KDM4A: variants seen among roughly 807,000 people sequenced by gnomAD.
KDM4A encodes lysine demethylase 4A.
A neutral mutation model predicts 127.1 loss-of-function variants in KDM4A; 23 were observed. The ratio of observed to expected loss-of-function variants is 0.18; its 90% CI spans 0.13 to 0.26. The LOEUF is 0.26. KDM4A is among the 10% of genes least tolerant of loss of function. The probability of loss-of-function intolerance (pLI) is 1.00; values close to 1 mark genes in which losing one functional copy is unlikely to be tolerated. For synonymous variants in KDM4A, 443 were observed against 466.5 expected (o/e 0.95, Z 0.65); for missense variants, 890 against 1,329.1 (o/e 0.67, Z 5.14).
chr1:43,653,299 G>T lies in KDM4A; in HGVS notation c.124G>T (p.Ala42Ser), dbSNP rs781632610. 1.2e-6 allele frequency: 2 copies of T among 1,612,056 alleles called. No homozygotes were observed. Among genetic ancestry groups the T allele is most frequent in the Non-Finnish European group, 1.7e-6 (2 of 1,178,908 alleles). ...CATTGAATCCCAAGGAGCTCATCGGGCAGGGCTAGCCAAGGTAAGGAGCTG... is the reference window on the plus strand; with the variant it reads ...CATTGAATCCCAAGGAGCTCATCGGTCAGGGCTAGCCAAGGTAAGGAGCTG... Reference protein sequence around the residue: ...AYIESQGAHRAGLAKVVPPKE... With the variant: ...AYIESQGAHRSGLAKVVPPKE... Residue 42 changes from alanine to serine, a missense_variant, in exon 2 of 22, where the codon GCA (alanine) becomes TCA (serine). Coordinates refer to ENST00000372396, the MANE Select transcript of KDM4A (RefSeq NM_014663.3).
At position 43,703,718 on chromosome 1, in the gene KDM4A, C is replaced by A; in HGVS notation, c.2943C>A (p.His981Gln). 1 of 1,614,136 alleles carries A rather than the reference C, an allele frequency of 6.2e-7. No homozygotes were observed. Among genetic ancestry groups the A allele is most frequent in the Non-Finnish European group, 8.5e-7 (1 of 1,180,002 alleles). The stretch of plus-strand genomic sequence containing the variant: ...ATGGAGCCAAGTTTGTGGCCTCCCA[C>A]CCTATCCAAATGTACCAGGTATCCA... ...QVYGAKFVAS[H>Q]PIQMYQVEFE... Residue 981 changes from histidine to glutamine, a missense_variant, in exon 20 of 22, where the codon CAC becomes CAA. His to Gln is a conservative substitution (Grantham distance 24, BLOSUM62 0). Transcript: ENST00000372396.
intron 18 of KDM4A, among the ~76,000 whole-genome samples, chr1:43,696,159 A>G (rs1418081461): frequency 6.6e-6 from 1 of 152,148 alleles, no homozygotes; most frequent in East Asian, 1.9e-4. Flanking sequence ...GAACCAGTGA[A>G]AGCAGTTGAG....
intron 4 of KDM4A, 78 bp downstream of exon 4, chr1:43,660,490 G>A (rs186656066): frequency 2.0e-6 from 3 of 1,515,034 alleles, no homozygotes; most frequent in South Asian, 1.2e-5. Flanking sequence ...CACGTAGTAG[G>A]CACCTAAAAG....
In KDM4A at chr1:43,704,243, A is replaced by T. The variant is rs778288602; in HGVS notation, c.3068A>T (p.Asp1023Val). 1 of 1,614,192 alleles carries T rather than the reference A, an allele frequency of 6.2e-7. No individual in the cohort carries two copies. Among genetic ancestry groups the T allele is most frequent in the African/African-American group, 1.3e-5 (1 of 75,048 alleles). ...RVKSRLSVAS[D>V]MRFNEIFTEK... ...ATTCTTCTATAGTCAGTAGCCTCAG[A>T]CATGCGCTTCAATGAGATTTTCACA... The change falls in exon 22 of 22, where the codon GAC becomes GTC. Residue 1023 changes from aspartate (D) to valine (V), a missense_variant. Coordinates refer to ENST00000372396, the MANE Select transcript of KDM4A (RefSeq NM_014663.3).
chr1:43,667,967 G>C lies in KDM4A; in HGVS notation c.1111G>C (p.Glu371Gln). 1 of 1,614,206 alleles carries C rather than the reference G, an allele frequency of 6.2e-7. No homozygotes were observed. The highest frequency in any genetic ancestry group is 8.5e-7 in the Non-Finnish European group (1 of 1,180,028). ...AGCTGGCAACGAGGAGGAGTGCCCA[G>C]AGGAGGACATGGAAGGGGTGGAGGA... ...PRAGNEEECPEEDMEGVEDGE... is the reference protein window; with the variant it reads ...PRAGNEEECPQEDMEGVEDGE... The change falls in exon 9 of 22, where the codon GAG becomes CAG. Residue 371 changes from glutamate (E) to glutamine (Q), a missense_variant. By Grantham distance (29) the Glu-to-Gln change is conservative (BLOSUM62 2). Transcript: ENST00000372396.
chr1:43,677,588 C>G (rs1660770661), intron 11 of KDM4A, among the ~76,000 whole-genome samples: 1 of 152,136 alleles, frequency 6.6e-6, no homozygotes, highest in Admixed American at 6.5e-5. Context: ...GCGCCTCTCC[C>G]CCTTTTTTCC....
chr1:43,679,253 A>G lies in KDM4A; in HGVS notation c.1735-4431A>G, dbSNP rs573860807. ...AGAAGCTGGGCCCTGTGCCACATTC[A>G]TCCTCATTTCTTGAGTTACCAGCAC... On this transcript the variant is annotated intron_variant, in intron 11 of 21. Coordinates refer to ENST00000372396, the MANE Select transcript of KDM4A (RefSeq NM_014663.3). Among the ~76,000 whole-genome samples the G allele has an allele frequency of 8.5e-5, 13 of 152,308 alleles. 1 individual carries two copies. In the South Asian group the frequency reaches 1.2e-3, roughly 15 times the overall value.
At chr1:43,696,657 A>C (rs1440257984) in intron 18 of KDM4A, among the ~76,000 whole-genome samples, 1 of 152,212 alleles carries the variant, frequency 6.6e-6, no homozygotes, top group Admixed American at 6.5e-5. Context: ...CCCTTAATGC[A>C]AGTAAAAACT....
At chr1:43,673,173 C>G (rs978420575) in intron 11 of KDM4A, among the ~76,000 whole-genome samples, 1 of 152,094 alleles carries the variant, frequency 6.6e-6, no homozygotes, top group Non-Finnish European at 1.5e-5. Flanking sequence ...CCCCCACTAC[C>G]CAAGTGACTT....
chr1:43,691,858 G>A (rs916779774), intron 15 of KDM4A, among the ~76,000 whole-genome samples: 2 of 152,126 alleles, frequency 1.3e-5, no homozygotes, highest in Admixed American at 6.6e-5. Flanking sequence ...TTTTGAATTG[G>A]AGCCTCAGAA....
chr1:43,677,884 C>T (rs1298774672), intron 11 of KDM4A, among the ~76,000 whole-genome samples: 2 of 152,128 alleles, frequency 1.3e-5, no homozygotes, highest in Non-Finnish European at 2.9e-5. Flanking sequence ...AGATTTGAAA[C>T]AGGGAAACCA....
chr1:43,674,630 C>T (rs1660700920), intron 11 of KDM4A, among the ~76,000 whole-genome samples: 1 of 151,768 alleles, frequency 6.6e-6, no homozygotes, highest in African/African-American at 2.4e-5. Context: ...GATTCTCGTG[C>T]CCCAGCCTCC....
At chr1:43,668,933 G>A (rs1379339421) in intron 9 of KDM4A, among the ~76,000 whole-genome samples, 167 bp from the exon 10 acceptor site, 3 of 152,232 alleles carry the variant, frequency 2.0e-5, no homozygotes, top group Non-Finnish European at 4.4e-5. Flanking sequence ...AGGTCAGAGA[G>A]GTGAAGTCCC....
At chr1:43,682,005 G>T (rs1166349072) in intron 11 of KDM4A, among the ~76,000 whole-genome samples, 2 of 152,146 alleles carry the variant, frequency 1.3e-5, no homozygotes, top group African/African-American at 2.4e-5. Context: ...TCTCACTTCT[G>T]TCACCCAGGC....
At chr1:43,666,287 A>G in intron 6 of KDM4A, 165 bp from the exon 7 acceptor site, 3 of 613,346 alleles carry the variant, frequency 4.9e-6, no homozygotes, top group Non-Finnish European at 8.5e-6. Context: ...CTAGAGGCTC[A>G]TTGCAGAATC....
Position 43,699,283 on chromosome 1 carries a change from A to C in KDM4A, c.2841+1270A>C, listed in dbSNP as rs535775248. 2.0e-5 allele frequency among the ~76,000 whole-genome samples: 3 copies of C among 152,046 alleles called. No individual in the cohort carries two copies. In the East Asian group the frequency reaches 5.8e-4, roughly 29 times the overall value. On this transcript the variant is annotated intron_variant, in intron 19 of 21. Coordinates refer to ENST00000372396, the MANE Select transcript of KDM4A (RefSeq NM_014663.3). ...GCTAATTTTTAAATTTTTTGTAGTA[A>C]CAACGGTCTTGCTTTGTTGCTCAGG...
intron 6 of KDM4A, chr1:43,666,216 G>A (rs1207972728): frequency 1.2e-5 from 6 of 500,856 alleles, no homozygotes; most frequent in Non-Finnish European, 1.7e-5. Context: ...GGCAGCTTGG[G>A]TGACCTTGGT....
At chr1:43,680,743 C>G (rs1049663682) in intron 11 of KDM4A, among the ~76,000 whole-genome samples, 2 of 152,206 alleles carry the variant, frequency 1.3e-5, no homozygotes, top group East Asian at 3.8e-4. Flanking sequence ...TCACATCACT[C>G]GGACAGACTC....
chr1:43,679,521 C>A (rs771591711), intron 11 of KDM4A, among the ~76,000 whole-genome samples: 2 of 152,106 alleles, frequency 1.3e-5, no homozygotes, highest in Non-Finnish European at 2.9e-5. Context: ...GTTCCCCCAC[C>A]CCCACTTTAA....
Sources: gnomAD v4.1 joint callset for allele counts (sites outside exome capture counted in the v4.1 genomes callset) on GRCh38, gnomAD v4.1.1 for gene constraint, MANE v1.5 for transcripts, NCBI Gene and HGNC (gene_info 2026-07-23, HGNC 2026-07-21) for gene names.